Variants in ZNF273 observed in about 807,000 individuals in gnomAD.
ZNF273 encodes zinc finger protein 9.
A neutral mutation model predicts 14.9 loss-of-function variants in ZNF273; 11 were observed. That is an observed-to-expected ratio of 0.74 (90% CI 0.46 to 1.22). ZNF273 has a LOEUF of 1.22. Among genes scored for constraint, ZNF273 ranks in the 50% most tolerant of loss-of-function variants. The pLI, the probability that ZNF273 is intolerant of heterozygous loss-of-function variation, is 0.00. For synonymous variants in ZNF273, 199 were observed against 223.9 expected (o/e 0.89, Z 0.99); for missense variants, 577 against 660.6 (o/e 0.87, Z 1.39).
chr7:64,889,123 T>TC, downstream of ZNF273: 1 of 985,880 alleles, frequency 1.0e-6, no homozygotes, highest in Non-Finnish European at 1.2e-6. This position sits in a 1 kb window ranked among gnomAD's most constrained non-coding sequence, Gnocchi z 4.2. Flanking sequence ...CAAGCAGGGA[T>TC]CCGGGCCTCG....
At chr7:64,910,481 T>C (rs1282971264) in intron 1 of ZNF273, among the ~76,000 whole-genome samples, 1 of 152,116 alleles carries the variant, frequency 6.6e-6, no homozygotes, top group African/African-American at 2.4e-5. Flanking sequence ...TGGTTGTAGG[T>C]GTGTGGCATT....
At chr7:64,923,820 C>CT (rs750771189) in intron 3 of ZNF273, 3,876 of 146,418 alleles carry the variant, frequency 0.026, 67 homozygotes, top group Non-Finnish European at 0.038. Flanking sequence ...TACTAGTCTC[C>CT]TTTTTTTTTT....
chr7:64,882,995 C>G (rs1401388328), downstream of ZNF273, among the ~76,000 whole-genome samples: 2 of 152,130 alleles, frequency 1.3e-5, no homozygotes, highest in African/African-American at 4.8e-5. Context: ...GTGTGTGTTT[C>G]TGTGTGTGTC....
At chr7:64,889,858 G>T, downstream of ZNF273, 1 of 737,912 alleles carries the variant, frequency 1.4e-6, no homozygotes, top group Non-Finnish European at 1.7e-6. The surrounding 1 kb of genome is among the most constrained non-coding windows in gnomAD (Gnocchi z 4.2). Flanking sequence ...TTTGTCGCCT[G>T]CTGCCTCTAT....
At chr7:64,901,716 C>T (rs796867033), upstream of ZNF273, among the ~76,000 whole-genome samples, 4 of 152,104 alleles carry the variant, frequency 2.6e-5, no homozygotes, top group African/African-American at 7.2e-5. Context: ...TTTGGGAGGC[C>T]GAGGCGGGCG....
intron 1 of ZNF273, among the ~76,000 whole-genome samples, chr7:64,914,929 T>TA (rs1375765319): frequency 1.5e-5 from 2 of 137,132 alleles, no homozygotes; most frequent in Admixed American, 1.5e-4. Flanking sequence ...AATGGCCTTT[T>TA]TTTTTTTTTT....
upstream of ZNF273, among the ~76,000 whole-genome samples, chr7:64,901,752 A>T (rs185728748): frequency 3.9e-4 from 58 of 147,154 alleles, no homozygotes; most frequent in Non-Finnish European, 6.6e-4. Context: ...GGAGTTCGAG[A>T]CCAGCCTGAC....
At chr7:64,917,143 C>T in intron 1 of ZNF273, 1 of 1,248,484 alleles carries the variant, frequency 8.0e-7, no homozygotes, top group Non-Finnish European at 1.0e-6. Context: ...AATTTGGAAA[C>T]TCAGACTTTA....
rs1264459136 is a variant in ZNF273 at position 64,913,320 on chromosome 7, G to C, written c.103-4261G>C. Among the ~76,000 whole-genome samples the C allele has an allele frequency of 2.0e-5, 3 of 152,222 alleles. No homozygotes were observed. In the East Asian group the frequency reaches 5.8e-4, roughly 29 times the overall value. ...AATCAGTGACAGAGAAACAGAAGAAGAAGTAAAAATGCTGGGCCCTTCATT... is the reference window on the plus strand; with the variant it reads ...AATCAGTGACAGAGAAACAGAAGAACAAGTAAAAATGCTGGGCCCTTCATT... On this transcript the variant is annotated intron_variant, in intron 1 of 3. Coordinates refer to ENST00000476120, the MANE Select transcript of ZNF273 (RefSeq NM_021148.3).
exon 4 of ZNF273, chr7:64,897,872 G>A (rs1880657): frequency 0.43 from 61,865 of 143,650 alleles, 12,861 homozygotes; most frequent in South Asian, 0.49. Context: ...GACTACAGGC[G>A]CCTGCCACCA....
chr7:64,927,697 C>CTTTT lies in ZNF273; in HGVS notation c.371_372insTTTT (p.Leu124PhefsTer20), dbSNP rs1302409650. 6.2e-7 allele frequency: 1 copy of CTTTT among 1,602,526 alleles called. No homozygotes were observed. On this transcript the variant is annotated frameshift_variant, in exon 4 of 4. Transcript: ENST00000476120. LOFTEE classifies it low-confidence loss of function (END_TRUNC). ...CCCAAGACCTTTGGCCAAAGCAGGGCTTAAAAGATTCTTTTCAAAAAGTGA... is the reference window on the plus strand; with the variant it reads ...CCCAAGACCTTTGGCCAAAGCAGGGCTTTTTTAAAAGATTCTTTTCAAAAAGTGA...
rs1794909817 is a variant in ZNF273, at chr7:64,929,044, T to A, written c.*6T>A. The A allele has an allele frequency of 6.5e-7, 1 of 1,531,584 alleles. No individual in the cohort carries two copies. Among genetic ancestry groups the A allele is most frequent in the South Asian group, 1.3e-5 (1 of 74,650 alleles). 94.9% of individuals were successfully genotyped at this position (1,531,584 alleles called of 1,614,324 possible). On this transcript the variant is annotated 3_prime_UTR_variant, in exon 4 of 4. Coordinates refer to ENST00000476120, the MANE Select transcript of ZNF273 (RefSeq NM_021148.3). ...ATATGGGTGAGAAATCCTAGAAATG[T>A]GAAGAATGTGACAAAGCCTTTAAGC...
chr7:64,892,239 C>T (rs1485371991), downstream of ZNF273, among the ~76,000 whole-genome samples: 1 of 152,180 alleles, frequency 6.6e-6, no homozygotes, highest in Non-Finnish European at 1.5e-5. Context: ...GAAAACAATT[C>T]TCTTGAATGC....
intron 1 of ZNF273, among the ~76,000 whole-genome samples, chr7:64,905,693 G>C (rs776937316): frequency 1.4e-4 from 21 of 152,204 alleles, no homozygotes; most frequent in Non-Finnish European, 2.5e-4. Flanking sequence ...CTGAGGTATA[G>C]TGTCTCCGAA....
chr7:64,929,030 A>G lies in ZNF273; in HGVS notation c.1702A>G (p.Lys568Glu). The change falls in exon 4 of 4, where the codon AAA becomes GAA. Residue 568 changes from lysine (K) to glutamate (E), a missense_variant. By Grantham distance (56) the Lys-to-Glu change is moderately conservative. Coordinates refer to ENST00000476120, the MANE Select transcript of ZNF273 (RefSeq NM_021148.3). ...ACATAAAAGAAATCATATGGGTGAGAAATCCTAGAAATGTGAAGAATGTGA... is the reference window on the plus strand; with the variant it reads ...ACATAAAAGAAATCATATGGGTGAGGAATCCTAGAAATGTGAAGAATGTGA... The part of the protein sequence containing the change: ...SRHKRNHMGE[K>E]S 6.5e-7 allele frequency: 1 copy of G among 1,537,378 alleles called. No homozygotes were observed. Among genetic ancestry groups the G allele is most frequent in the Non-Finnish European group, 8.7e-7 (1 of 1,147,688 alleles).
chr7:64,899,559 G>C (rs774067200), upstream of ZNF273, among the ~76,000 whole-genome samples: 20 of 151,648 alleles, frequency 1.3e-4, no homozygotes, highest in Admixed American at 5.9e-4. Flanking sequence ...GAAGGCTGAG[G>C]CAAGAGAATC....
rs1554386348 is a variant in ZNF273 at position 64,912,830 on chromosome 7, T to TTTTTTTGTTTG, written c.103-4745_103-4744insGTTTGTTTTTT. Among the ~76,000 whole-genome samples, 27 of 94,274 alleles carry TTTTTTTGTTTG rather than the reference T, an allele frequency of 2.9e-4. 3 individuals are homozygous for TTTTTTTGTTTG. The highest frequency in any genetic ancestry group is 5.6e-3 in the Middle Eastern group (1 of 180). 61.8% of individuals were successfully genotyped at this position (94,274 alleles called of 152,430 possible). A position where few individuals can be genotyped will look rare whatever the true frequency, so the allele number is the denominator to read the frequency against. On this transcript the variant is annotated intron_variant, in intron 1 of 3. Transcript: ENST00000476120. ...TTTGACTCAGGATTCATTTTAGTTT[T>TTTTTTTGTTTG]TTTTTTTTTTTTTTTTGAGATTGAG... is the stretch of plus-strand genomic sequence containing the variant.
downstream of ZNF273, chr7:64,889,261 G>T: frequency 1.0e-6 from 1 of 985,074 alleles, no homozygotes; most frequent in Non-Finnish European, 1.2e-6. The surrounding 1 kb of genome is among the most constrained non-coding windows in gnomAD (Gnocchi z 4.2). Flanking sequence ...GCCCGCAAAG[G>T]GCCGGGAGGT....
intron 1 of ZNF273, among the ~76,000 whole-genome samples, chr7:64,912,826 G>GTTTTGTTTTTTTTTTTTTTTTTT (rs746174998): frequency 2.7e-5 from 1 of 36,568 alleles, no homozygotes; most frequent in Admixed American, 4.0e-4. Flanking sequence ...ATTCATTTTA[G>GTTTTGTTTTTTTTTTTTTTTTTT]TTTTTTTTTT....
Sources: gnomAD v4.1 joint callset for allele counts (sites outside exome capture counted in the v4.1 genomes callset) on GRCh38, gnomAD v4.1.1 for gene constraint, Gnocchi (gnomAD v3.1) non-coding constraint, MANE v1.5 for transcripts, NCBI Gene and HGNC (gene_info 2026-07-23, HGNC 2026-07-21) for gene names.